PSTPIP2: variants seen among roughly 807,000 people sequenced by gnomAD.
PSTPIP2 encodes the protein proline-serine-threonine phosphatase interacting protein 2.
A neutral mutation model predicts 63.3 loss-of-function variants in PSTPIP2; 33 were observed. The observed-to-expected ratio is 0.52, with a 90% CI of 0.40 to 0.70. The LOEUF (loss-of-function observed/expected upper bound fraction) is 0.70, where lower values mean the gene tolerates loss of function less well. Ranked by LOEUF, PSTPIP2 falls within the 30% of genes least tolerant of loss-of-function variation. PSTPIP2 has a pLI of 0.00. For missense variants in PSTPIP2, 312 were observed against 400.7 expected (o/e 0.78, Z 1.89); for synonymous variants, 125 against 132.7 (o/e 0.94, Z 0.40).
Position 45,985,205 on chromosome 18 carries a change from T to C in PSTPIP2, c.*254A>G, listed in dbSNP as rs75348747. ...CTTCCCATGTTGAAAACCTAATTCA[T>C]TCATAACCTGAGTAACTGGGAAAGA... On this transcript the variant is annotated 3_prime_UTR_variant, in exon 15 of 15. Transcript: ENST00000409746. The C allele has an allele frequency of 0.026, 13,760 of 529,608 alleles. 215 individuals are homozygous for C. The highest frequency in any genetic ancestry group is 0.031 in the Admixed American group (825 of 27,038). 32.8% of individuals were successfully genotyped at this position (529,608 alleles called of 1,614,324 possible).
intron 2 of PSTPIP2, among the ~76,000 whole-genome samples, chr18:46,026,753 G>A (rs946249864): frequency 6.6e-6 from 1 of 152,072 alleles, no homozygotes; most frequent in South Asian, 2.1e-4. Flanking sequence ...CGGGTGTGGT[G>A]GTGCATACCT....
chr18:46,063,949 A>G (rs945458896), intron 1 of PSTPIP2, among the ~76,000 whole-genome samples: 1 of 152,198 alleles, frequency 6.6e-6, no homozygotes, highest in Non-Finnish European at 1.5e-5. Flanking sequence ...AAAGTTTTTC[A>G]ATGTCCTTCT....
intron 1 of PSTPIP2, among the ~76,000 whole-genome samples, chr18:46,050,793 A>G (rs781304434): frequency 6.6e-6 from 1 of 152,072 alleles, no homozygotes; most frequent in Non-Finnish European, 1.5e-5. Context: ...CAGGTCCACT[A>G]TATGTAACTG....
Position 45,990,713 on chromosome 18 carries a change from G to C in PSTPIP2, c.955+9C>G, listed in dbSNP as rs755823763. The C allele has an allele frequency of 6.2e-7, 1 of 1,602,290 alleles. No homozygotes were observed. Among genetic ancestry groups the C allele is most frequent in the South Asian group, 1.1e-5 (1 of 90,620 alleles). ...TAAGAATTTCAAAAGACCTTTTTTA[G>C]TGGCATACCTGGTGAGCTTTTAGGA... On this transcript the variant is annotated intron_variant, in intron 13 of 14. Coordinates refer to ENST00000409746, the MANE Select transcript of PSTPIP2 (RefSeq NM_024430.4).
chr18:45,997,862 T>C (rs73953953), intron 8 of PSTPIP2, 34 bp from the exon 9 acceptor site: 3 of 1,593,740 alleles, frequency 1.9e-6, no homozygotes, highest in South Asian at 1.1e-5. Context: ...GGTCAGAAAC[T>C]AGACAGGAAG....
At chr18:46,034,440 C>A (rs1343991601) in intron 2 of PSTPIP2, among the ~76,000 whole-genome samples, 1 of 152,166 alleles carries the variant, frequency 6.6e-6, no homozygotes, top group African/African-American at 2.4e-5. Flanking sequence ...CAGCAGGAAT[C>A]CCAGCTTTAC....
chr18:46,040,395 T>C (rs1222700748), intron 1 of PSTPIP2: 1 of 185,156 alleles, frequency 5.4e-6, no homozygotes, highest in Non-Finnish European at 1.1e-5. Flanking sequence ...CATACATCCT[T>C]GAGTTGTTTT....
chr18:46,061,612 G>A (rs1908995684), intron 1 of PSTPIP2, among the ~76,000 whole-genome samples: 1 of 152,184 alleles, frequency 6.6e-6, no homozygotes, highest in African/African-American at 2.4e-5. Flanking sequence ...AAATAGTTAG[G>A]CCCTAACATA....
intron 1 of PSTPIP2, among the ~76,000 whole-genome samples, chr18:46,060,941 C>T (rs1908968543): frequency 6.6e-6 from 1 of 152,176 alleles, no homozygotes; most frequent in African/African-American, 2.4e-5. Flanking sequence ...ACGTATAAAA[C>T]AGCAGAGATG....
At chr18:46,055,335 ATAGT>A (rs1266738099) in intron 1 of PSTPIP2, among the ~76,000 whole-genome samples, 2 of 152,110 alleles carry the variant, frequency 1.3e-5, no homozygotes, top group African/African-American at 4.8e-5. Flanking sequence ...GGAATTATTA[ATAGT>A]TAATTTGTAC....
chr18:46,051,672 C>T (rs2144122780), intron 1 of PSTPIP2, among the ~76,000 whole-genome samples: 1 of 152,228 alleles, frequency 6.6e-6, no homozygotes, highest in African/African-American at 2.4e-5. Flanking sequence ...ATCCAAATCC[C>T]AGAAAAGCCC....
At chr18:46,055,525 C>T (rs1908725351) in intron 1 of PSTPIP2, among the ~76,000 whole-genome samples, 1 of 152,060 alleles carries the variant, frequency 6.6e-6, no homozygotes, top group Non-Finnish European at 1.5e-5. Context: ...CATGATGTTG[C>T]CCAGGTTGGT....
chr18:46,061,594 C>G (rs906045226), intron 1 of PSTPIP2, among the ~76,000 whole-genome samples: 1 of 152,142 alleles, frequency 6.6e-6, no homozygotes, highest in African/African-American at 2.4e-5. Flanking sequence ...TAGACAAGAA[C>G]GCTGATTAAA....
chr18:46,007,695 C>T (rs1298530530), intron 5 of PSTPIP2, among the ~76,000 whole-genome samples: 1 of 152,210 alleles, frequency 6.6e-6, no homozygotes, highest in Admixed American at 6.5e-5. Context: ...GCTAGGCCAC[C>T]TTACCTGTAA....
rs112643917 is a variant in PSTPIP2 at position 45,994,482 on chromosome 18, G to A, written c.643-779C>T. On this transcript the variant is annotated intron_variant, in intron 9 of 14. Transcript: ENST00000409746. ...AATTCACATCAGAATCACTTGGAAG[G>A]TTTATTAGCATAGAGATTGCTGAGC... is the stretch of plus-strand genomic sequence containing the variant. Among the ~76,000 whole-genome samples, 138 of 152,228 alleles carry A rather than the reference G, an allele frequency of 9.1e-4. 1 individual carries two copies. The Middle Eastern group carries it at 0.014, about 15-fold the overall frequency.
chr18:46,028,565 CTT>C, intron 2 of PSTPIP2: 2 of 736,680 alleles, frequency 2.7e-6, no homozygotes, highest in Non-Finnish European at 4.8e-6. Flanking sequence ...GACATGAAGA[CTT>C]GGGAGACTCA....
At chr18:46,070,120 A>G (rs970916382) in intron 1 of PSTPIP2, among the ~76,000 whole-genome samples, 2 of 152,158 alleles carry the variant, frequency 1.3e-5, no homozygotes, top group South Asian at 4.1e-4. Flanking sequence ...TCACCTAGCT[A>G]GTAAGGGGCA....
intron 1 of PSTPIP2, among the ~76,000 whole-genome samples, chr18:46,064,479 A>T (rs7233803): frequency 0.61 from 80,683 of 131,514 alleles, 24,937 homozygotes; most frequent in African/African-American, 0.69. Flanking sequence ...TTTTTTTTTT[A>T]AGTAAAGACG....
chr18:46,016,394 A>G (rs2051852729), intron 3 of PSTPIP2, among the ~76,000 whole-genome samples: 1 of 152,190 alleles, frequency 6.6e-6, no homozygotes, highest in African/African-American at 2.4e-5. Context: ...GGCAATTCAA[A>G]ATATGAATAC....
Sources: allele counts gnomAD v4.1 joint callset (sites outside exome capture counted in the v4.1 genomes callset), GRCh38; gene constraint gnomAD v4.1.1; transcripts MANE v1.5; gene names NCBI Gene and HGNC (gene_info 2026-07-23, HGNC 2026-07-21).